Variants in ANO3 observed in about 807,000 individuals in gnomAD.
ANO3 encodes the protein anoctamin-3.
Under a neutral mutation model 144.8 loss-of-function variants are expected in ANO3, and 99 were observed. The ratio of observed to expected loss-of-function variants is 0.68; its 90% CI spans 0.58 to 0.81. The LOEUF (loss-of-function observed/expected upper bound fraction) is 0.81. ANO3 is among the 30% of genes least tolerant of loss of function. The pLI, the probability that ANO3 is intolerant of heterozygous loss-of-function variation, is 0.00. For synonymous variants in ANO3, 414 were observed against 392.6 expected, an observed-to-expected ratio of 1.05 and a Z score of -0.64; for missense variants, 905 against 1,202.2, an observed-to-expected ratio of 0.75 and a Z score of 3.66.
In ANO3 at chr11:26,660,340, CG is replaced by C; in HGVS notation, c.2843del (p.Arg948GlnfsTer5). ...VPKGLHDRIRREKYLVQEMMY... is the reference protein window; with the variant it reads ...VPKGLHDRIRXEKYLVQEMMY... ...AAAGGGTCTACATGACCGAATACGA[CG>C]AGAGAAGTACTTAGTTCAAGAAATG... On this transcript the variant is annotated frameshift_variant, in exon 27 of 27. Transcript: ENST00000256737. LOFTEE classifies it high-confidence loss of function. 6.2e-7 allele frequency: 1 copy of C among 1,613,408 alleles called. No individual in the cohort carries two copies. Among genetic ancestry groups the C allele is most frequent in the East Asian group, 2.2e-5 (1 of 44,846 alleles).
chr11:26,374,994 T>C (rs1364539998), intron 1 of ANO3, among the ~76,000 whole-genome samples: 1 of 152,208 alleles, frequency 6.6e-6, no homozygotes, highest in Non-Finnish European at 1.5e-5. Flanking sequence ...TTTGCCTGCC[T>C]TGGCCTCCCA....
intron 1 of ANO3, among the ~76,000 whole-genome samples, chr11:26,332,693 A>G (rs1342869566): frequency 3.9e-5 from 6 of 152,032 alleles, no homozygotes; most frequent in East Asian, 1.9e-4. Context: ...CTGTGGTTCA[A>G]ATGTTGAGTA....
intron 1 of ANO3, among the ~76,000 whole-genome samples, chr11:26,388,059 G>A (rs181744601): frequency 1.3e-5 from 2 of 149,550 alleles, no homozygotes; most frequent in East Asian, 3.9e-4. Flanking sequence ...ACCCCAAATT[G>A]TACTTTTATA....
intron 14 of ANO3, among the ~76,000 whole-genome samples, chr11:26,595,409 C>T (rs140373479): frequency 3.7e-5 from 5 of 136,614 alleles, no homozygotes; most frequent in Non-Finnish European, 6.1e-5. Context: ...TATGCGAATT[C>T]GTTTTGGAGA....
intron 1 of ANO3, among the ~76,000 whole-genome samples, chr11:26,411,215 T>C (rs1857422561): frequency 1.3e-5 from 2 of 152,008 alleles, no homozygotes; most frequent in Admixed American, 1.3e-4. Flanking sequence ...TTGAAAGATA[T>C]AAAGCTGAAT....
At chr11:26,279,969 G>A (rs537850423) in intron 1 of ANO3, among the ~76,000 whole-genome samples, 12 of 152,142 alleles carry the variant, frequency 7.9e-5, no homozygotes, top group Admixed American at 2.6e-4. Flanking sequence ...CAGATTTCTC[G>A]AAAAGAAATG....
intron 1 of ANO3, among the ~76,000 whole-genome samples, chr11:26,211,087 A>T (rs1342464244): frequency 6.6e-6 from 1 of 152,078 alleles, no homozygotes; most frequent in Non-Finnish European, 1.5e-5. Flanking sequence ...CTTATTCTAA[A>T]ATTGACCACA....
intron 4 of ANO3, among the ~76,000 whole-genome samples, chr11:26,501,938 A>G (rs866356039): frequency 3.1e-4 from 47 of 152,290 alleles, no homozygotes; most frequent in African/African-American, 1.1e-3. Context: ...CTCTTTCTTA[A>G]CTTGGGTAAT....
chr11:26,461,483 T>A (rs1389456), intron 3 of ANO3, among the ~76,000 whole-genome samples: 1 of 151,824 alleles, frequency 6.6e-6, no homozygotes, highest in Non-Finnish European at 1.5e-5. Flanking sequence ...TTTCTCAAAT[T>A]CACTGACCAC....
At chr11:26,515,647 A>G (rs141656838) in intron 5 of ANO3, among the ~76,000 whole-genome samples, 1 of 152,148 alleles carries the variant, frequency 6.6e-6, no homozygotes, top group Non-Finnish European at 1.5e-5. Flanking sequence ...TAAAACATAT[A>G]TGATTTTAAA....
intron 3 of ANO3, among the ~76,000 whole-genome samples, chr11:26,453,251 G>T (rs985489701): frequency 6.6e-6 from 1 of 151,914 alleles, no homozygotes; most frequent in African/African-American, 2.4e-5. Flanking sequence ...AATGTAAATG[G>T]ACTAAATGCT....
chr11:26,518,048 T>A (rs1168302433), intron 6 of ANO3, among the ~76,000 whole-genome samples: 2 of 152,054 alleles, frequency 1.3e-5, no homozygotes, highest in Admixed American at 1.3e-4. Context: ...ATGCAAATAG[T>A]TCCTCAAGGA....
At chr11:26,595,087 T>C (rs1851570041) in intron 14 of ANO3, among the ~76,000 whole-genome samples, 1 of 152,156 alleles carries the variant, frequency 6.6e-6, no homozygotes, top group Non-Finnish European at 1.5e-5. Context: ...CCCCAGTCAT[T>C]TTCCAATGAG....
chr11:26,521,210 A>G (rs906727577), intron 6 of ANO3, among the ~76,000 whole-genome samples: 3 of 152,184 alleles, frequency 2.0e-5, no homozygotes, highest in African/African-American at 7.2e-5. Context: ...TTCAAGAACA[A>G]ATACTGCCTT....
chr11:26,584,843 A>G (rs1190415600), intron 14 of ANO3, among the ~76,000 whole-genome samples: 1 of 152,184 alleles, frequency 6.6e-6, no homozygotes, highest in Non-Finnish European at 1.5e-5. Flanking sequence ...CTGTAAACTG[A>G]GGAAATGGAG....
chr11:26,628,518 A>T (rs538312375), intron 18 of ANO3, among the ~76,000 whole-genome samples: 20 of 152,328 alleles, frequency 1.3e-4, no homozygotes, highest in African/African-American at 4.3e-4. Context: ...CCTCTGAGTT[A>T]AAAACCAATT....
chr11:26,292,554 C>T (rs765697526), intron 1 of ANO3, among the ~76,000 whole-genome samples: 12 of 152,140 alleles, frequency 7.9e-5, no homozygotes, highest in Non-Finnish European at 1.6e-4. Flanking sequence ...TGGTTTTTAT[C>T]TACCTTTCGT....
chr11:26,625,346 G>A (rs779579990), intron 18 of ANO3, among the ~76,000 whole-genome samples: 1 of 152,206 alleles, frequency 6.6e-6, no homozygotes, highest in South Asian at 2.1e-4. Context: ...ATACAAGTAT[G>A]AATTATTAAG....
intron 17 of ANO3, among the ~76,000 whole-genome samples, chr11:26,619,681 G>A (rs1252138166): frequency 6.6e-6 from 1 of 151,976 alleles, no homozygotes; most frequent in African/African-American, 2.4e-5. Context: ...TGGCCTGGCT[G>A]GTCTCAAACT....
Sources: gnomAD v4.1 joint callset for allele counts (sites outside exome capture counted in the v4.1 genomes callset) on GRCh38, gnomAD v4.1.1 for gene constraint, MANE v1.5 for transcripts, NCBI Gene and HGNC (gene_info 2026-07-23, HGNC 2026-07-21) for gene names.